The following TTN variants were observed in gnomAD, a reference collection of about 807,000 sequenced individuals.
TTN encodes the protein connectin.
In TTN, 1,525 loss-of-function variants were observed where a neutral mutation model predicts 3,223.0. The observed-to-expected ratio is 0.47, with a 90% confidence interval of 0.45 to 0.49. The LOEUF is 0.49. Ranked by LOEUF, TTN falls within the 20% of genes least tolerant of loss-of-function variation. The probability of loss-of-function intolerance (pLI) is 0.00; values close to 1 mark genes in which losing one functional copy is unlikely to be tolerated. For missense variants in TTN, 40,786 were observed against 43,424.0 expected, an observed-to-expected ratio of 0.94 and a Z score of 5.40; for synonymous variants, 14,094 against 15,161.0, an observed-to-expected ratio of 0.93 and a Z score of 5.17.
chr2:178,664,690 C>A lies in TTN; in HGVS notation c.36166G>T (p.Val12056Phe), dbSNP rs1242898445. The A allele has an allele frequency of 3.1e-6, 5 of 1,612,438 alleles. No individual in the cohort carries two copies. Among genetic ancestry groups the A allele is most frequent in the Non-Finnish European group, 4.2e-6 (5 of 1,179,706 alleles). ...AGGACTTCAGGCTTTCTGAGAGGAA[C>A]CACAAGCGTTTTCTTTTCAGGGACA... Reference protein sequence around the residue: ...EIVPEKKTLVVPLRKPEVLPD... With the variant: ...EIVPEKKTLVFPLRKPEVLPD... Residue 12056 changes from valine (V) to phenylalanine (F), a missense_variant, in exon 167 of 363, where the codon GTT (valine) becomes TTT (phenylalanine). Physicochemically the swap from Val to Phe is conservative, Grantham distance 50 (BLOSUM62 -1). Transcript: ENST00000589042.
rs748958858 is a variant in TTN, at chr2:178,611,579, T to C, written c.50650A>G (p.Ile16884Val). The stretch of plus-strand genomic sequence containing the variant: ...CACATTTCAACATGGTATCCTATGA[T>C]AGGACTTCCACCATTTTTCTCTGGA... ...KPPEKNGGSP[I>V]IGYHVEMCPV... The change falls in exon 269 of 363, where the codon ATC (isoleucine) becomes GTC (valine). Residue 16884 changes from isoleucine to valine, a missense_variant. Transcript: ENST00000589042. 9 of 1,612,934 alleles carry C rather than the reference T, an allele frequency of 5.6e-6. No individual in the cohort carries two copies. The highest frequency in any genetic ancestry group is 4.5e-5 in the East Asian group (2 of 44,718).
chr2:178,768,069 G>A lies in TTN; in HGVS notation c.9250C>T (p.Pro3084Ser). The change falls in exon 39 of 363, where the codon CCT (proline) becomes TCT (serine). Residue 3084 changes from proline (P) to serine (S), a missense_variant. Pro to Ser is a moderately conservative substitution (Grantham distance 74). Coordinates refer to ENST00000589042, the MANE Select transcript of TTN (RefSeq NM_001267550.2). ...RAMFECEVSE[P>S]DITVQWMKDD... ...TTCATCCACTGTACAGTGATGTCAG[G>A]TTCAGAAACTTCACATTCAAACATG... 2 of 1,614,076 alleles carry A rather than the reference G, an allele frequency of 1.2e-6. No homozygotes were observed. Among genetic ancestry groups the A allele is most frequent in the Non-Finnish European group, 1.7e-6 (2 of 1,179,996 alleles).
chr2:178,789,854 T>G, intron 12 of TTN, 124 bp downstream of exon 12: 1 of 1,245,338 alleles, frequency 8.0e-7, no homozygotes, highest in Non-Finnish European at 1.2e-6. Context: ...ATTTACCATT[T>G]TGTTTTTAGT....
intron 97 of TTN, 51 bp from the exon 98 acceptor site, chr2:178,710,973 T>C: frequency 1.3e-6 from 2 of 1,563,656 alleles, no homozygotes; most frequent in Non-Finnish European, 8.6e-7. Flanking sequence ...CTGGACCATG[T>C]CAGTTTACTG....
At position 178,643,943 on chromosome 2, in the gene TTN, T is replaced by C. The variant is rs1576841812; in HGVS notation, c.40477+605A>G. ...ATAATTCATTTAGTTTTCTTTAGGG[T>C]CTAATTTTAGATGAGACCTTATTAG... is the stretch of plus-strand genomic sequence containing the variant. On this transcript the variant is annotated intron_variant, in intron 218 of 362. Coordinates refer to ENST00000589042, the MANE Select transcript of TTN (RefSeq NM_001267550.2). Among the ~76,000 whole-genome samples, 8 of 152,078 alleles carry C rather than the reference T, an allele frequency of 5.3e-5. No homozygotes were observed. In the South Asian group the frequency reaches 1.7e-3, roughly 32 times the overall value.
At position 178,607,079 on chromosome 2, in the gene TTN, G is replaced by C; in HGVS notation, c.53523C>G (p.Asn17841Lys). The change falls in exon 278 of 363, where the codon AAC (asparagine) becomes AAG (lysine). Residue 17841 changes from asparagine to lysine, a missense_variant. Transcript: ENST00000589042. ...QEYKFRVIAK[N>K]KFGCGPPVEI... ...CAACAGGAGGGCCACAGCCAAACTT[G>C]TTCTTGGCAATAACACGGAACTTAT... 1 of 1,612,302 alleles carries C rather than the reference G, an allele frequency of 6.2e-7. No homozygotes were observed.
chr2:178,783,052 C>T lies in TTN; in HGVS notation c.2854G>A (p.Val952Met). The stretch of plus-strand genomic sequence containing the variant: ...ACAGATTCACCTTCTATGACAGTCA[C>T]ATTTTTTAAGCCCTGAAGAGAGGAG... ...PPTLVSGLKN[V>M]TVIEGESVTL... Residue 952 changes from valine (V) to methionine (M), a missense_variant, in exon 18 of 363, where the codon GTG becomes ATG. Physicochemically the swap from Val to Met is conservative, Grantham distance 21. Transcript: ENST00000589042. 6.2e-7 allele frequency: 1 copy of T among 1,614,052 alleles called. No homozygotes were observed. The highest frequency in any genetic ancestry group is 1.1e-5 in the South Asian group (1 of 91,076).
rs876658064 is a variant in TTN, at chr2:178,610,341, C to T, written c.51185G>A (p.Ser17062Asn). Reference sequence around the variant, plus strand: ...AGGTTCCCAAGTTAACTTACAAGAACTCTTGGTAATGTCACTTGCTTTAAT... The same window carrying T: ...AGGTTCCCAAGTTAACTTACAAGAATTCTTGGTAATGTCACTTGCTTTAAT... ...KDIKASDITK[S>N]SCKLTWEPPE... The change falls in exon 271 of 363, where the codon AGT (serine) becomes AAT (asparagine). Residue 17062 changes from serine (S) to asparagine (N), a missense_variant. By Grantham distance (46) the Ser-to-Asn change is conservative. Transcript: ENST00000589042. 6.2e-6 allele frequency: 10 copies of T among 1,612,684 alleles called. No homozygotes were observed. In the African/African-American group the frequency reaches 1.2e-4, roughly 19 times the overall value.
In TTN at chr2:178,725,536, CT is replaced by C; in HGVS notation, c.20667del (p.Glu6890ArgfsTer5). 1.2e-6 allele frequency: 2 copies of C among 1,613,196 alleles called. No individual in the cohort carries two copies. The highest frequency in any genetic ancestry group is 1.7e-6 in the Non-Finnish European group (2 of 1,179,468). ...CTTTCTCTAATCACTTCTTCCTTCT[CT>C]TTAAGCCACTGGACAAAAATAGGCT... ...GAQPIFVQWLKEKEEVIRESE... is the reference protein window; with the variant it reads ...GAQPIFVQWLXEKEEVIRESE... On this transcript the variant is annotated frameshift_variant, in exon 71 of 363. Transcript: ENST00000589042. LOFTEE classifies it high-confidence loss of function.
chr2:178,583,609 T>C lies in TTN; in HGVS notation c.65573A>G (p.Asn21858Ser). ...TATAATACTCAGCAGAATCTTACCA[T>C]TTTCTGCGAGGATAGTCACTGGATC... Reference protein sequence around the residue: ...PSDPVTILAENVPPRIDLSVA... With the variant: ...PSDPVTILAESVPPRIDLSVA... Residue 21858 changes from asparagine to serine, a missense_variant and splice_region_variant, in exon 312 of 363, where the codon AAT becomes AGT. Transcript: ENST00000589042. 2 of 1,594,228 alleles carry C rather than the reference T, an allele frequency of 1.3e-6. No homozygotes were observed. The highest frequency in any genetic ancestry group is 1.7e-6 in the Non-Finnish European group (2 of 1,168,096).
At chr2:178,536,725 CAT>C (rs1315594339) in intron 356 of TTN, 150 bp from the exon 357 acceptor site, 1 of 873,490 alleles carries the variant, frequency 1.1e-6, no homozygotes, top group African/African-American at 1.7e-5. Flanking sequence ...TATACTAAGA[CAT>C]ATCAAAAACC....
At position 178,553,390 on chromosome 2, in the gene TTN, G is replaced by A. The variant is rs1700118604; in HGVS notation, c.89510C>T (p.Pro29837Leu). The A allele has an allele frequency of 6.3e-7, 1 of 1,592,306 alleles. No homozygotes were observed. The highest frequency in any genetic ancestry group is 1.7e-5 in the Admixed American group (1 of 59,260). The change falls in exon 335 of 363, where the codon CCA becomes CTA. Residue 29837 changes from proline to leucine, a missense_variant. By Grantham distance (98) the Pro-to-Leu change is moderately conservative. Transcript: ENST00000589042. Reference protein sequence around the residue: ...PVQAKDILEAPEIDLDVALRT... With the variant: ...PVQAKDILEALEIDLDVALRT... ...GAGAGCCACATCCAGGTCAATCTCT[G>A]GTGCCTCTGTAGACATAAAATGGAT...
chr2:178,769,831 T>C lies in TTN; in HGVS notation c.8750A>G (p.Asn2917Ser), dbSNP rs1420302039. Reference protein sequence around the residue: ...HFNVPSMWLKNGVEIEMSEKF... With the variant: ...HFNVPSMWLKSGVEIEMSEKF... Reference sequence around the variant, plus strand: ...TTCACTCATCTCAATTTCCACACCATTCTTCAGCCACATGGAAGGGACATT... The same window carrying C: ...TTCACTCATCTCAATTTCCACACCACTCTTCAGCCACATGGAAGGGACATT... Residue 2917 changes from asparagine to serine, a missense_variant, in exon 37 of 363, where the codon AAT becomes AGT. Coordinates refer to ENST00000589042, the MANE Select transcript of TTN (RefSeq NM_001267550.2). 1 of 1,613,974 alleles carries C rather than the reference T, an allele frequency of 6.2e-7. No individual in the cohort carries two copies. Among genetic ancestry groups the C allele is most frequent in the Non-Finnish European group, 8.5e-7 (1 of 1,179,994 alleles).
Position 178,724,116 on chromosome 2 carries a change from C to A in TTN, c.21143G>T (p.Arg7048Leu), listed in dbSNP as rs148072021. Reference sequence around the variant, plus strand: ...CACCCCACCAGTATTTTTCAGTCTTCGTGTGAAAGAGGGAGGAACTGCTCG... The same window carrying A: ...CACCCCACCAGTATTTTTCAGTCTTAGTGTGAAAGAGGGAGGAACTGCTCG... ...SDRAVPPSFT[R>L]RLKNTGGVLG... The change falls in exon 73 of 363, where the codon CGA becomes CTA. Residue 7048 changes from arginine to leucine, a missense_variant. Arg to Leu is a moderately radical substitution (Grantham distance 102, BLOSUM62 -2). Coordinates refer to ENST00000589042, the MANE Select transcript of TTN (RefSeq NM_001267550.2). The A allele has an allele frequency of 2.5e-6, 4 of 1,612,170 alleles. No homozygotes were observed. Among genetic ancestry groups the A allele is most frequent in the Non-Finnish European group, 3.4e-6 (4 of 1,178,818 alleles).
In TTN at chr2:178,537,454, A is replaced by G. The variant is rs781103653; in HGVS notation, c.99753T>C (p.Tyr33251=). 18 of 1,613,240 alleles carry G rather than the reference A, an allele frequency of 1.1e-5. No homozygotes were observed. Among genetic ancestry groups the G allele is most frequent in the Admixed American group, 8.3e-5 (5 of 59,918 alleles). ...GGACATTCTTCATGACAAGATGAGT[A>G]TAGTGCTCAGTGTTTTCAATAGTAA... is the stretch of plus-strand genomic sequence containing the variant. ...ENITIENTEH[Y]THLVMKNVQR... Residue 33251 remains tyrosine (Y), a synonymous_variant, in exon 355 of 363, where the codon TAT becomes TAC. Coordinates refer to ENST00000589042, the MANE Select transcript of TTN (RefSeq NM_001267550.2).
intron 335 of TTN, 121 bp downstream of exon 335, chr2:178,551,509 G>T: frequency 1.1e-6 from 1 of 921,968 alleles, no homozygotes; most frequent in Non-Finnish European, 1.6e-6. Context: ...TACATGACCA[G>T]TTCTCTAGTG....
rs886055308 is a variant in TTN, at chr2:178,789,993, T to C, written c.1923A>G (p.Gln641=). The change falls in exon 12 of 363, where the codon CAA becomes CAG. Residue 641 remains glutamine (Q), a synonymous_variant. Coordinates refer to ENST00000589042, the MANE Select transcript of TTN (RefSeq NM_001267550.2). ...EGITTKREQV[Q]ITQEKMRKEA... is the part of the protein sequence containing the mutation. ...CTGTATTCACCTTCTCCTGAGTTATTTGCACTTGTTCTCTTTTGGTAGTAA... is the reference window on the plus strand; with the variant it reads ...CTGTATTCACCTTCTCCTGAGTTATCTGCACTTGTTCTCTTTTGGTAGTAA... The C allele has an allele frequency of 2.5e-6, 4 of 1,612,968 alleles. No individual in the cohort carries two copies. Among genetic ancestry groups the C allele is most frequent in the South Asian group, 2.2e-5 (2 of 91,070 alleles).
chr2:178,800,288 C>T lies in TTN; in HGVS notation c.583+107G>A, dbSNP rs2093991668. On this transcript the variant is annotated intron_variant, in intron 4 of 362. Coordinates refer to ENST00000589042, the MANE Select transcript of TTN (RefSeq NM_001267550.2). The stretch of plus-strand genomic sequence containing the variant: ...AAAAGCCAGCTTTTATATCAGCTCA[C>T]AGCATTCTTCCCAGGGCTGTGAGAG... 24 of 1,454,260 alleles carry T rather than the reference C, an allele frequency of 1.7e-5. 1 individual carries two copies. In the South Asian group the frequency reaches 3.0e-4, roughly 18 times the overall value. The allele number at this position is 1,454,260 out of a possible 1,614,324, so 90.1% of individuals were successfully genotyped here. A position where few individuals can be genotyped will look rare whatever the true frequency, so the allele number is the denominator to read the frequency against.
In TTN at chr2:178,740,998, T is replaced by C. The variant is rs34070843; in HGVS notation, c.12235A>G (p.Ile4079Val). 0.02 allele frequency: 32,077 copies of C among 1,613,934 alleles called. 430 individuals carry two copies. Among genetic ancestry groups the C allele is most frequent in the Middle Eastern group, 0.043 (258 of 6,058 alleles). ...TCTGTAATTAAAGCAGCTTTCAAAA[T>C]GGTGTCTTTTACAAACGTTGCAATT... ...QEIATFVKDTILKAALITEEN... is the reference protein window; with the variant it reads ...QEIATFVKDTVLKAALITEEN... The change falls in exon 48 of 363, where the codon ATT (isoleucine) becomes GTT (valine). Residue 4079 changes from isoleucine to valine, a missense_variant. Coordinates refer to ENST00000589042, the MANE Select transcript of TTN (RefSeq NM_001267550.2).
Sources: gnomAD v4.1 joint callset for allele counts (sites outside exome capture counted in the v4.1 genomes callset) on GRCh38, gnomAD v4.1.1 for gene constraint, MANE v1.5 for transcripts, NCBI Gene and HGNC (gene_info 2026-07-23, HGNC 2026-07-21) for gene names.